The following EPHB1 variants were observed in gnomAD, a reference collection of about 807,000 sequenced individuals.
The protein encoded by EPHB1 is ephrin type-B receptor 1.
Under a neutral mutation model 94.4 loss-of-function variants are expected in EPHB1, and 30 were observed. That is an observed-to-expected ratio of 0.32 (90% CI 0.24 to 0.43). The LOEUF (loss-of-function observed/expected upper bound fraction) is 0.43, where lower values mean the gene tolerates loss of function less well. Among genes scored for constraint, EPHB1 ranks in the 20% least tolerant of loss-of-function variants. The pLI is 1.00. For synonymous variants in EPHB1, 522 were observed against 489.1 expected (o/e 1.07, Z -0.89); for missense variants, 1,055 against 1,308.3 (o/e 0.81, Z 2.99).
chr3:134,974,508 G>C (rs1934105606), intron 3 of EPHB1, among the ~76,000 whole-genome samples: 1 of 152,192 alleles, frequency 6.6e-6, no homozygotes, highest in South Asian at 2.1e-4. Context: ...AGAACATTCA[G>C]TATGTATTAG....
intron 1 of EPHB1, among the ~76,000 whole-genome samples, chr3:134,900,055 G>T (rs1207487841): frequency 2.6e-5 from 4 of 152,202 alleles, no homozygotes; most frequent in Non-Finnish European, 5.9e-5. Flanking sequence ...TAAGACTCTG[G>T]TTAGAAGCGG....
At chr3:134,868,759 A>T (rs768457675) in intron 1 of EPHB1, among the ~76,000 whole-genome samples, 1 of 152,260 alleles carries the variant, frequency 6.6e-6, no homozygotes, top group African/African-American at 2.4e-5. Flanking sequence ...TGGGAAAAAA[A>T]GCTGACAAAC....
chr3:135,128,813 G>A (rs1335813613), intron 4 of EPHB1, among the ~76,000 whole-genome samples: 1 of 152,148 alleles, frequency 6.6e-6, no homozygotes, highest in East Asian at 1.9e-4. Context: ...ATGAGTGAAT[G>A]AGTAAATAAT....
intron 1 of EPHB1, among the ~76,000 whole-genome samples, chr3:134,908,708 A>C (rs1270344385): frequency 1.3e-5 from 2 of 152,086 alleles, no homozygotes; most frequent in African/African-American, 4.8e-5. Flanking sequence ...AGTGGGAAAC[A>C]AGGAGGGAGA....
chr3:135,032,852 C>T (rs1936523874), intron 3 of EPHB1, among the ~76,000 whole-genome samples: 1 of 152,172 alleles, frequency 6.6e-6, no homozygotes, highest in Non-Finnish European at 1.5e-5. Context: ...CATGTAGCCC[C>T]TCCAGAGACA....
chr3:135,251,825 C>A (rs991780125), intron 15 of EPHB1, among the ~76,000 whole-genome samples: 1 of 152,180 alleles, frequency 6.6e-6, no homozygotes, highest in African/African-American at 2.4e-5. Context: ...GTGTACAAAG[C>A]AATCAGCTGT....
At chr3:135,056,565 T>C in intron 3 of EPHB1, among the ~76,000 whole-genome samples, 1 of 152,252 alleles carries the variant, frequency 6.6e-6, no homozygotes, top group Non-Finnish European at 1.5e-5. Flanking sequence ...GACTGTGCCC[T>C]AGGGCACTTC....
At chr3:135,217,235 C>T (rs1194178578) in intron 12 of EPHB1, among the ~76,000 whole-genome samples, 1 of 152,104 alleles carries the variant, frequency 6.6e-6, no homozygotes, top group Non-Finnish European at 1.5e-5. Flanking sequence ...CAGCAGGGCA[C>T]TGAGGGCAGT....
At chr3:134,836,916 A>G (rs911055562) in intron 1 of EPHB1, among the ~76,000 whole-genome samples, 2 of 152,258 alleles carry the variant, frequency 1.3e-5, no homozygotes, top group Non-Finnish European at 2.9e-5. Context: ...TTTTTCTGTC[A>G]ATAGAATAGA....
intron 12 of EPHB1, among the ~76,000 whole-genome samples, chr3:135,206,910 GA>G (rs899122315): frequency 5.5e-5 from 8 of 146,740 alleles, no homozygotes; most frequent in Admixed American, 6.8e-5. Context: ...CTTCTTTTAA[GA>G]AAAAAAAAAG....
chr3:135,030,969 G>A (rs1162269005), intron 3 of EPHB1, among the ~76,000 whole-genome samples: 1 of 152,178 alleles, frequency 6.6e-6, no homozygotes, highest in African/African-American at 2.4e-5. Context: ...GTATTCGGGT[G>A]GGTGTGACCC....
intron 1 of EPHB1, among the ~76,000 whole-genome samples, chr3:134,896,356 G>T (rs1225173060): frequency 1.3e-5 from 2 of 152,176 alleles, no homozygotes; most frequent in Non-Finnish European, 2.9e-5. Context: ...ACTGGATGTG[G>T]ATTGCCTCAT....
intron 1 of EPHB1, among the ~76,000 whole-genome samples, chr3:134,858,833 C>T (rs1006215967): frequency 2.0e-5 from 3 of 152,218 alleles, no homozygotes; most frequent in South Asian, 4.1e-4. Flanking sequence ...CACAGTGGGT[C>T]CCCAGAGCCC....
At chr3:135,154,542 T>A (rs1203297591) in intron 6 of EPHB1, 7 of 368,792 alleles carry the variant, frequency 1.9e-5, no homozygotes, top group Non-Finnish European at 3.4e-5. Context: ...GAAGGACCAG[T>A]CCCATTTTTC....
At chr3:134,832,562 T>C (rs2036599473) in intron 1 of EPHB1, among the ~76,000 whole-genome samples, 1 of 152,254 alleles carries the variant, frequency 6.6e-6, no homozygotes, top group South Asian at 2.1e-4. Context: ...ACCATTATTA[T>C]GTAATATTTT....
chr3:134,805,892 TC>T, intron 1 of EPHB1, among the ~76,000 whole-genome samples: 2 of 152,238 alleles, frequency 1.3e-5, no homozygotes, highest in South Asian at 4.1e-4. Context: ...GGGATCACAT[TC>T]CACACTGGTA....
chr3:134,827,170 C>T (rs9814062), intron 1 of EPHB1, among the ~76,000 whole-genome samples: 85,518 of 152,126 alleles, frequency 0.56, 27,393 homozygotes, highest in East Asian at 0.79. Flanking sequence ...GATGAGGAGA[C>T]GGAGGTTTGT....
Position 135,182,828 on chromosome 3 carries a change from G to A in EPHB1, c.1882+2846G>A, listed in dbSNP as rs550832633. On this transcript the variant is annotated intron_variant, in intron 10 of 15. Coordinates refer to ENST00000398015, the MANE Select transcript of EPHB1 (RefSeq NM_004441.5). ...GCAGTAGCTTGCAAGAGCCAATTAT[G>A]CACATCTGTTTCTAGCCCCATGTTT... Among the ~76,000 whole-genome samples the A allele has an allele frequency of 7.2e-5, 11 of 152,268 alleles. No homozygotes were observed. The East Asian group carries it at 2.1e-3, about 29-fold the overall frequency.
At chr3:134,894,484 C>T (rs187966407) in intron 1 of EPHB1, among the ~76,000 whole-genome samples, 1 of 152,332 alleles carries the variant, frequency 6.6e-6, no homozygotes, top group East Asian at 1.9e-4. Flanking sequence ...ACAGGTTGCA[C>T]CTCGTGTGCC....
Sources: allele counts gnomAD v4.1 joint callset (sites outside exome capture counted in the v4.1 genomes callset), GRCh38; gene constraint gnomAD v4.1.1; transcripts MANE v1.5; gene names NCBI Gene and HGNC (gene_info 2026-07-23, HGNC 2026-07-21).